Variants in LYST observed in about 807,000 individuals in gnomAD.
LYST encodes lysosomal trafficking regulator.
In LYST, 192 loss-of-function variants were observed where a neutral mutation model predicts 413.6. The ratio of observed to expected loss-of-function variants is 0.46; its 90% CI spans 0.41 to 0.52. The LOEUF is 0.52. Among genes scored for constraint, LYST ranks in the 20% least tolerant of loss-of-function variants. The pLI is 0.00. For missense variants in LYST, 3,815 were observed against 4,499.9 expected (o/e 0.85, Z 4.35); for synonymous variants, 1,525 against 1,567.3 (o/e 0.97, Z 0.64).
chr1:235,750,033 G>A (rs1666328169), intron 28 of LYST, among the ~76,000 whole-genome samples: 1 of 152,092 alleles, frequency 6.6e-6, no homozygotes, highest in African/African-American at 2.4e-5. Flanking sequence ...GGGTAGTAAA[G>A]GTATACTTTC....
chr1:235,821,562 T>TA (rs1293299744), intron 3 of LYST, among the ~76,000 whole-genome samples: 1 of 152,250 alleles, frequency 6.6e-6, no homozygotes, highest in East Asian at 1.9e-4. Flanking sequence ...TCAGGATAGT[T>TA]ATATGTACTG....
chr1:235,784,030 T>G (rs1032662507), intron 14 of LYST, among the ~76,000 whole-genome samples: 3 of 152,070 alleles, frequency 2.0e-5, no homozygotes, highest in Admixed American at 6.5e-5. Flanking sequence ...CAGCTACGCA[T>G]TACCATGCCC....
At chr1:235,678,840 C>T (rs899653914) in intron 48 of LYST, among the ~76,000 whole-genome samples, 2 of 151,982 alleles carry the variant, frequency 1.3e-5, no homozygotes, top group African/African-American at 2.4e-5. Context: ...CTGTATAATA[C>T]ATATAAGTAT....
At chr1:235,793,719 T>C (rs1483360973) in intron 10 of LYST, 107 bp from the exon 11 acceptor site, 7 of 625,416 alleles carry the variant, frequency 1.1e-5, no homozygotes, top group African/African-American at 9.3e-5. Flanking sequence ...TTTGAATGGA[T>C]TATAAAAAAT....
chr1:235,759,620 A>C (rs753908011), intron 22 of LYST, 21 bp from the exon 23 acceptor site: 76 of 1,584,298 alleles, frequency 4.8e-5, no homozygotes, highest in East Asian at 6.7e-5. Flanking sequence ...TAGATACAAA[A>C]ATACTACTTA....
At chr1:235,692,501 C>T (rs966134650) in intron 47 of LYST, among the ~76,000 whole-genome samples, 2 of 151,850 alleles carry the variant, frequency 1.3e-5, no homozygotes, top group African/African-American at 4.8e-5. Context: ...CTGCCTCAGC[C>T]TCCTGAGTAG....
At position 235,808,797 on chromosome 1, in the gene LYST, A is replaced by C; in HGVS notation, c.2021T>G (p.Phe674Cys). The stretch of plus-strand genomic sequence containing the variant: ...TCCACTGCTGGGCAGGATCCCTTGA[A>C]ATCTGTAAGAAGGACTGGATAAACT... ...SSSLSSPSYR[F>C]QGILPSSGSE... Residue 674 changes from phenylalanine to cysteine, a missense_variant, in exon 5 of 53, where the codon TTT becomes TGT. Transcript: ENST00000389793. 3 of 1,614,030 alleles carry C rather than the reference A, an allele frequency of 1.9e-6. No individual in the cohort carries two copies. Among genetic ancestry groups the C allele is most frequent in the Non-Finnish European group, 2.5e-6 (3 of 1,179,986 alleles).
At position 235,809,675 on chromosome 1, in the gene LYST, T is replaced by A. The variant is rs750251694; in HGVS notation, c.1143A>T (p.Thr381=). Residue 381 remains threonine (T), a synonymous_variant, in exon 5 of 53, where the codon ACA becomes ACT. Transcript: ENST00000389793. This position sits in a 1 kb window ranked among gnomAD's most constrained non-coding sequence, Gnocchi z 4.0. ...CAAAATCTTCCTGAACCTCCTGCAG[T>A]GTTTTCTTTTGTCTTGGTGCAAAAG... ...PDPFAPRQKK[T]LQEVQEDFVF... The A allele has an allele frequency of 1.9e-6, 3 of 1,613,586 alleles. No homozygotes were observed. The African/African-American group carries it at 4.0e-5, about 22-fold the overall frequency.
chr1:235,753,857 G>A (rs1666727555), intron 25 of LYST, among the ~76,000 whole-genome samples: 1 of 152,076 alleles, frequency 6.6e-6, no homozygotes, highest in Admixed American at 6.6e-5. Flanking sequence ...GCCAAAAGTT[G>A]TATGTAAATG....
intron 31 of LYST, among the ~76,000 whole-genome samples, chr1:235,740,767 T>G (rs532693428): frequency 2.6e-5 from 4 of 152,344 alleles, no homozygotes; most frequent in African/African-American, 7.2e-5. Flanking sequence ...ATAGATATTC[T>G]TAAACAAGCT....
upstream of LYST, among the ~76,000 whole-genome samples, chr1:235,869,803 T>C (rs1042166820): frequency 6.8e-6 from 1 of 146,816 alleles, no homozygotes; most frequent in Non-Finnish European, 1.5e-5. Context: ...TCTAACACCA[T>C]CTGGCTCCTC....
At chr1:235,865,876 T>G (rs917912219) in intron 1 of LYST, among the ~76,000 whole-genome samples, 4 of 152,202 alleles carry the variant, frequency 2.6e-5, no homozygotes, top group Non-Finnish European at 5.9e-5. Flanking sequence ...GCATTTGATC[T>G]TCAAGGAAAC....
chr1:235,879,048 C>T (rs1397386667), intron 1 of LYST, among the ~76,000 whole-genome samples: 1 of 152,060 alleles, frequency 6.6e-6, no homozygotes, highest in Admixed American at 6.6e-5. Context: ...GTTCTATAGC[C>T]CTGTCTGGAG....
Position 235,753,210 on chromosome 1 carries a change from C to A in LYST, c.7294G>T (p.Gly2432Ter). The A allele has an allele frequency of 6.2e-7, 1 of 1,610,790 alleles. No homozygotes were observed. Among genetic ancestry groups the A allele is most frequent in the South Asian group, 1.1e-5 (1 of 90,986 alleles). The change falls in exon 26 of 53, where the codon GGA becomes TGA. Residue 2432 changes from glycine (G) to a stop codon, truncating the protein, a stop_gained. Transcript: ENST00000389793. LOFTEE classifies it high-confidence loss of function. Reference protein sequence around the residue: ...FQKWSVIPILGLIETSLYDNI... With the variant: ...FQKWSVIPIL Reference sequence around the variant, plus strand: ...TCATATAGAGAGGTCTCTATTAGTCCCAGAATAGGAATGACAGACCACTTC... The same window carrying A: ...TCATATAGAGAGGTCTCTATTAGTCACAGAATAGGAATGACAGACCACTTC...
chr1:235,747,326 T>C (rs1261285756), intron 28 of LYST: 2 of 413,294 alleles, frequency 4.8e-6, no homozygotes, highest in Non-Finnish European at 4.9e-6. Context: ...TTCATTGGAA[T>C]TGAACCTTTG....
At chr1:235,814,451 A>G (rs1673816605) in intron 3 of LYST, among the ~76,000 whole-genome samples, 1 of 152,210 alleles carries the variant, frequency 6.6e-6, no homozygotes, top group Non-Finnish European at 1.5e-5. Flanking sequence ...AAAGACTTAA[A>G]GATGGGCAAT....
At chr1:235,677,664 G>C in intron 48 of LYST, 45 bp from the exon 49 acceptor site, 1 of 1,457,574 alleles carries the variant, frequency 6.9e-7, no homozygotes, top group Non-Finnish European at 9.6e-7. Context: ...ACAACAAAAA[G>C]TACTCTAGTA....
At chr1:235,680,138 T>A (rs1659696314) in intron 48 of LYST, among the ~76,000 whole-genome samples, 1 of 151,966 alleles carries the variant, frequency 6.6e-6, no homozygotes, top group Non-Finnish European at 1.5e-5. Context: ...TATAAAGATA[T>A]ATTTTTGTAT....
intron 1 of LYST, among the ~76,000 whole-genome samples, chr1:235,845,460 A>G (rs1677715140): frequency 6.6e-6 from 1 of 152,160 alleles, no homozygotes; most frequent in Admixed American, 6.5e-5. Context: ...ACTTTCTAAC[A>G]ATTTGAACGC....
Sources: allele counts gnomAD v4.1 joint callset (sites outside exome capture counted in the v4.1 genomes callset), GRCh38; gene constraint gnomAD v4.1.1; non-coding constraint Gnocchi (gnomAD v3.1); transcripts MANE v1.5; gene names NCBI Gene and HGNC (gene_info 2026-07-23, HGNC 2026-07-21).